The following RBFOX1 variants were observed in gnomAD, a reference collection of about 807,000 sequenced individuals.
The protein encoded by RBFOX1 is RNA binding protein fox-1 homolog 1.
RBFOX1 carries 8 observed loss-of-function variants against 57.7 expected under a neutral mutation model. That is an observed-to-expected ratio of 0.14 (90% confidence interval 0.08 to 0.25). The LOEUF is 0.25. Ranked by LOEUF, RBFOX1 falls within the 10% of genes least tolerant of loss-of-function variation. RBFOX1 has a pLI of 1.00. For synonymous variants in RBFOX1, 326 were observed against 222.4 expected, an observed-to-expected ratio of 1.47 and a Z score of -4.15; for missense variants, 611 against 548.5, an observed-to-expected ratio of 1.11 and a Z score of -1.14.
At chr16:5,735,880 A>C (rs1158057542) in intron 3 of RBFOX1, among the ~76,000 whole-genome samples, 2 of 152,088 alleles carry the variant, frequency 1.3e-5, no homozygotes, top group Non-Finnish European at 2.9e-5. Context: ...TGTCTCAAAA[A>C]ACAAATAAAA....
chr16:5,243,250 G>A (rs1440347545), intron 1 of RBFOX1, among the ~76,000 whole-genome samples: 2 of 152,248 alleles, frequency 1.3e-5, no homozygotes, highest in East Asian at 1.9e-4. Context: ...AGGCACCTCG[G>A]CAGAGATTTC....
intron 3 of RBFOX1, among the ~76,000 whole-genome samples, chr16:6,937,403 T>C (rs533991085): frequency 6.6e-6 from 1 of 150,380 alleles, no homozygotes; most frequent in South Asian, 2.1e-4. Context: ...AATGTAGACT[T>C]TTTTTTTATA....
At chr16:7,455,415 A>T (rs574644565) in intron 4 of RBFOX1, among the ~76,000 whole-genome samples, 1 of 152,340 alleles carries the variant, frequency 6.6e-6, no homozygotes, top group East Asian at 1.9e-4. Context: ...ATGCAAGAAT[A>T]TAACAGCTCC....
intron 1 of RBFOX1, among the ~76,000 whole-genome samples, chr16:6,272,718 A>G (rs757763527): frequency 4.0e-4 from 61 of 152,244 alleles, no homozygotes; most frequent in Admixed American, 9.8e-4. Context: ...CGGTGTGGCA[A>G]TGGCAGATGG....
rs568702065 is a variant in RBFOX1, at chr16:6,676,616, C to A, written c.-16+21966C>A. On this transcript the variant is annotated intron_variant, in intron 3 of 15. Coordinates refer to ENST00000550418, the MANE Select transcript of RBFOX1 (RefSeq NM_018723.4). ...AGCTCGGAAAAAAGGATACCAGGAG[C>A]CTTTACAGATGTTATTCTCAACTTA... Among the ~76,000 whole-genome samples, 87 of 151,624 alleles carry A rather than the reference C, an allele frequency of 5.7e-4. 1 individual carries two copies. Among genetic ancestry groups the A allele is most frequent in the Middle Eastern group, 3.4e-3 (1 of 292 alleles).
At chr16:5,541,508 C>A (rs1038465064) in intron 2 of RBFOX1, among the ~76,000 whole-genome samples, 1 of 152,058 alleles carries the variant, frequency 6.6e-6, no homozygotes, top group Non-Finnish European at 1.5e-5. Context: ...AGGGGGCTTC[C>A]AGGTCACTGG....
At chr16:7,668,088 G>C (rs971016173) in intron 13 of RBFOX1, among the ~76,000 whole-genome samples, 2 of 152,112 alleles carry the variant, frequency 1.3e-5, no homozygotes, top group African/African-American at 4.8e-5. Flanking sequence ...TCTCCATCCT[G>C]GCAGTATATC....
At chr16:5,957,126 A>T (rs2059659042) in intron 4 of RBFOX1, among the ~76,000 whole-genome samples, 1 of 152,206 alleles carries the variant, frequency 6.6e-6, no homozygotes, top group Non-Finnish European at 1.5e-5. Context: ...GTTTACCAGC[A>T]CACTGTTGGA....
At chr16:6,064,961 T>A (rs1217450809) in intron 1 of RBFOX1, among the ~76,000 whole-genome samples, 1 of 151,748 alleles carries the variant, frequency 6.6e-6, no homozygotes, top group African/African-American at 2.4e-5. Context: ...TATCTGTAAT[T>A]AAAAATTAAA....
chr16:6,693,725 C>G (rs991837922), intron 3 of RBFOX1, among the ~76,000 whole-genome samples: 1 of 151,740 alleles, frequency 6.6e-6, no homozygotes, highest in African/African-American at 2.4e-5. Flanking sequence ...ACCATCACCA[C>G]CATCATCCTC....
At chr16:6,965,315 TTGTGTGTGTGTGTGTGTGTGTG>T (rs57603257) in intron 3 of RBFOX1, among the ~76,000 whole-genome samples, 1,503 of 147,196 alleles carry the variant, frequency 0.01, 27 homozygotes, top group African/African-American at 0.034. Flanking sequence ...TTTTCTTTTG[TTGTGTGTGTGTGTGTGTGTGTG>T]TGTGTGTGTG....
intron 4 of RBFOX1, among the ~76,000 whole-genome samples, chr16:7,073,351 C>G (rs1269841710): frequency 2.6e-5 from 4 of 152,174 alleles, no homozygotes; most frequent in Non-Finnish European, 5.9e-5. Context: ...TGACTGTAGA[C>G]AAATCCTAAG....
At chr16:6,363,135 A>G (rs2088904573) in intron 2 of RBFOX1, among the ~76,000 whole-genome samples, 1 of 152,202 alleles carries the variant, frequency 6.6e-6, no homozygotes, top group Non-Finnish European at 1.5e-5. Flanking sequence ...CTGCCTCATT[A>G]AGTAACTCAA....
chr16:7,140,651 A>C (rs934795362), intron 4 of RBFOX1, among the ~76,000 whole-genome samples: 16 of 152,194 alleles, frequency 1.1e-4, no homozygotes, highest in African/African-American at 3.9e-4. Context: ...TATCTGAACC[A>C]ACAATTCCTG....
At chr16:5,543,034 A>T (rs1474597504) in intron 2 of RBFOX1, among the ~76,000 whole-genome samples, 1 of 152,218 alleles carries the variant, frequency 6.6e-6, no homozygotes, top group Non-Finnish European at 1.5e-5. Flanking sequence ...CTCTTGCCTC[A>T]GGAGTGGGGA....
intron 14 of RBFOX1, among the ~76,000 whole-genome samples, chr16:7,689,753 A>G (rs919719778): frequency 1.3e-5 from 2 of 152,074 alleles, no homozygotes; most frequent in African/African-American, 4.8e-5. Flanking sequence ...GATCTTGAGT[A>G]AATGCATAAG....
chr16:6,572,438 T>C (rs542601156), intron 2 of RBFOX1, among the ~76,000 whole-genome samples: 107 of 152,318 alleles, frequency 7.0e-4, no homozygotes, highest in African/African-American at 2.4e-3. Flanking sequence ...CTAACCTTTG[T>C]TGGGCTCTTA....
Position 6,197,720 on chromosome 16 carries a change from G to A in RBFOX1, c.-126-119275G>A, listed in dbSNP as rs140581783. ...TAAAGTCATGTCATGGGGATTCGTT[G>A]TACAGATTATTGCGTCACCCAGGTA... On this transcript the variant is annotated intron_variant, in intron 1 of 15. Transcript: ENST00000550418. Among the ~76,000 whole-genome samples the A allele has an allele frequency of 3.3e-3, 503 of 151,562 alleles. 1 individual carries two copies. The highest frequency in any genetic ancestry group is 5.1e-3 in the Non-Finnish European group (347 of 67,882).
chr16:7,265,346 A>G (rs1411803807), intron 4 of RBFOX1, among the ~76,000 whole-genome samples: 2 of 151,956 alleles, frequency 1.3e-5, no homozygotes, highest in Admixed American at 1.3e-4. Context: ...AGAGAAAGAG[A>G]GAGAGGGAGA....
Sources: gnomAD v4.1 joint callset for allele counts (sites outside exome capture counted in the v4.1 genomes callset) on GRCh38, gnomAD v4.1.1 for gene constraint, MANE v1.5 for transcripts, NCBI Gene and HGNC (gene_info 2026-07-23, HGNC 2026-07-21) for gene names.